The following MIR2052HG variants were observed in gnomAD, a reference collection of about 807,000 sequenced individuals.
The protein encoded by MIR2052HG is MIR2052 host gene.
chr8:74,648,505 C>G (rs1476206647), intron 2 of MIR2052HG, among the ~76,000 whole-genome samples: 2 of 152,140 alleles, frequency 1.3e-5, no homozygotes, highest in Non-Finnish European at 2.9e-5. Context: ...AGCATGTGAT[C>G]TTTGTGACTT....
At chr8:74,712,723 A>G (rs1277451213) in intron 4 of MIR2052HG, among the ~76,000 whole-genome samples, 1 of 143,904 alleles carries the variant, frequency 6.9e-6, no homozygotes, top group African/African-American at 2.6e-5. Flanking sequence ...TTATAAATCT[A>G]TTCACCTTGA....
At chr8:74,677,407 A>T (rs1206143771) in intron 2 of MIR2052HG, among the ~76,000 whole-genome samples, 1 of 152,122 alleles carries the variant, frequency 6.6e-6, no homozygotes, top group East Asian at 1.9e-4. Flanking sequence ...AATATCTAAA[A>T]AAATTAATTA....
At chr8:74,726,439 G>C (rs1304920647) in intron 4 of MIR2052HG, among the ~76,000 whole-genome samples, 1 of 152,162 alleles carries the variant, frequency 6.6e-6, no homozygotes, top group Non-Finnish European at 1.5e-5. Flanking sequence ...ATTGGTAAGA[G>C]TTCTCAAAAA....
At chr8:74,664,521 TA>T (rs1296443021) in intron 2 of MIR2052HG, among the ~76,000 whole-genome samples, 1 of 152,166 alleles carries the variant, frequency 6.6e-6, no homozygotes, top group Non-Finnish European at 1.5e-5. Context: ...TTTCCTTTTT[TA>T]TTTTTATTTT....
At chr8:74,719,076 CTTT>C (rs56242876) in intron 4 of MIR2052HG, among the ~76,000 whole-genome samples, 5 of 144,484 alleles carry the variant, frequency 3.5e-5, no homozygotes, top group Middle Eastern at 3.6e-3. Context: ...CCGTGTACAT[CTTT>C]TTTTTTTTTT....
chr8:74,668,652 C>T (rs1193668410), intron 2 of MIR2052HG, among the ~76,000 whole-genome samples: 1 of 152,208 alleles, frequency 6.6e-6, no homozygotes, highest in African/African-American at 2.4e-5. Flanking sequence ...GATCCTTCTT[C>T]AGGAACAAAG....
chr8:74,621,450 T>A (rs1808360247), intron 2 of MIR2052HG, among the ~76,000 whole-genome samples: 1 of 152,256 alleles, frequency 6.6e-6, no homozygotes, highest in Non-Finnish European at 1.5e-5. Context: ...AGAGGTTTAA[T>A]AGACTCACAT....
chr8:74,645,008 G>T (rs1808677048), intron 2 of MIR2052HG, among the ~76,000 whole-genome samples: 2 of 152,254 alleles, frequency 1.3e-5, no homozygotes, highest in South Asian at 4.1e-4. Context: ...ATTTATAGAA[G>T]TAACAAGTTG....
At chr8:74,738,134 T>TATCC (rs1172941473) in intron 4 of MIR2052HG, among the ~76,000 whole-genome samples, 5 of 33,886 alleles carry the variant, frequency 1.5e-4, no homozygotes, top group Admixed American at 1.1e-3. Context: ...TGTATGTATG[T>TATCC]ATCTATCTAT....
At chr8:74,657,746 A>G (rs576933062) in intron 2 of MIR2052HG, among the ~76,000 whole-genome samples, 7 of 152,230 alleles carry the variant, frequency 4.6e-5, no homozygotes, top group Non-Finnish European at 8.8e-5. Context: ...ACTTTTCACT[A>G]TCATGAGAAC....
chr8:74,690,999 A>G (rs1173062881), intron 2 of MIR2052HG, among the ~76,000 whole-genome samples: 1 of 152,230 alleles, frequency 6.6e-6, no homozygotes, highest in Non-Finnish European at 1.5e-5. Flanking sequence ...AGTATCATAT[A>G]CTTTACTAAG....
intron 1 of MIR2052HG, among the ~76,000 whole-genome samples, chr8:74,608,218 A>G (rs1808140535): frequency 6.6e-6 from 1 of 150,850 alleles, no homozygotes; most frequent in Non-Finnish European, 1.5e-5. Context: ...TAAGCACATA[A>G]TTAGATGAAC....
At chr8:74,748,424 C>T (rs965424370) in intron 4 of MIR2052HG, among the ~76,000 whole-genome samples, 4 of 152,284 alleles carry the variant, frequency 2.6e-5, no homozygotes, top group Admixed American at 1.3e-4. Context: ...TGTTGAACAC[C>T]ACTAGTGGAG....
intron 2 of MIR2052HG, among the ~76,000 whole-genome samples, chr8:74,667,113 A>G (rs1262146627): frequency 6.6e-6 from 1 of 152,178 alleles, no homozygotes; most frequent in African/African-American, 2.4e-5. Context: ...ATCTGCTCCT[A>G]GAATTCCTGA....
At chr8:74,736,731 A>C (rs1407249456) in intron 4 of MIR2052HG, among the ~76,000 whole-genome samples, 1 of 152,170 alleles carries the variant, frequency 6.6e-6, no homozygotes, top group Non-Finnish European at 1.5e-5. Context: ...AGATGTCTGG[A>C]CGTTTGGGGT....
chr8:74,600,277 CTT>C (rs781650557), intron 1 of MIR2052HG, among the ~76,000 whole-genome samples: 2 of 144,978 alleles, frequency 1.4e-5, no homozygotes, highest in Non-Finnish European at 1.5e-5. Context: ...TATTTCTTTT[CTT>C]TTTTTTTTTT....
At chr8:74,700,621 C>T (rs1358214357) in intron 2 of MIR2052HG, among the ~76,000 whole-genome samples, 1 of 151,994 alleles carries the variant, frequency 6.6e-6, no homozygotes, top group Non-Finnish European at 1.5e-5. Flanking sequence ...AAAGTTTCTG[C>T]TTTTGATATT....
chr8:74,621,530 T>C (rs988036834), intron 2 of MIR2052HG, among the ~76,000 whole-genome samples: 3 of 152,192 alleles, frequency 2.0e-5, no homozygotes, highest in African/African-American at 7.2e-5. Flanking sequence ...GCAGGCACCC[T>C]CTTCACAGGG....
intron 2 of MIR2052HG, among the ~76,000 whole-genome samples, chr8:74,692,629 C>T (rs1207696920): frequency 6.6e-6 from 1 of 152,196 alleles, no homozygotes; most frequent in East Asian, 1.9e-4. Context: ...AACACTTCCC[C>T]TCTTTACATA....
Sources: allele counts gnomAD v4.1 joint callset (sites outside exome capture counted in the v4.1 genomes callset), GRCh38; gene constraint gnomAD v4.1.1; transcripts MANE v1.5; gene names NCBI Gene and HGNC (gene_info 2026-07-23, HGNC 2026-07-21).